COLGALT2: variants seen among roughly 807,000 people sequenced by gnomAD.
The protein encoded by COLGALT2 is procollagen galactosyltransferase 2.
In COLGALT2, 49 loss-of-function variants were observed where a neutral mutation model predicts 73.4. That is an observed-to-expected ratio of 0.67 (90% confidence interval 0.53 to 0.85). The LOEUF (loss-of-function observed/expected upper bound fraction) is 0.85. Among genes scored for constraint, COLGALT2 ranks in the 40% least tolerant of loss-of-function variants. COLGALT2 has a pLI of 0.00. For synonymous variants in COLGALT2, 295 were observed against 307.6 expected (o/e 0.96, Z 0.43); for missense variants, 722 against 790.2 (o/e 0.91, Z 1.03).
chr1:183,945,343 C>T, intron 9 of COLGALT2, 89 bp downstream of exon 9: 5 of 1,447,046 alleles, frequency 3.5e-6, no homozygotes, highest in Non-Finnish European at 3.8e-6. Flanking sequence ...GTTGCGGGCT[C>T]ACTTTACATC....
chr1:183,968,389 A>T (rs977288018), intron 5 of COLGALT2, among the ~76,000 whole-genome samples: 4 of 152,002 alleles, frequency 2.6e-5, no homozygotes, highest in African/African-American at 9.7e-5. Flanking sequence ...CTTCCTGTTG[A>T]CTTGTCTTTC....
Position 183,936,752 on chromosome 1 carries a change from G to A in COLGALT2, c.*2009C>T, listed in dbSNP as rs1669965255. The A allele has an allele frequency of 8.1e-7, 1 of 1,231,040 alleles. No individual in the cohort carries two copies. Among genetic ancestry groups the A allele is most frequent in the African/African-American group, 1.5e-5 (1 of 64,526 alleles). The allele number at this position is 1,231,040 out of a possible 1,614,324, so 76.3% of individuals were successfully genotyped here. On this transcript the variant is annotated 3_prime_UTR_variant, in exon 12 of 12. Transcript: ENST00000361927. ...GCTCTTTCTGTTTTTCTGGGGGTGG[G>A]TGGGAAAGGAAGTCACACTGACAGC...
chr1:183,956,415 T>C (rs1452809225), intron 6 of COLGALT2, among the ~76,000 whole-genome samples: 1 of 152,170 alleles, frequency 6.6e-6, no homozygotes, highest in Non-Finnish European at 1.5e-5. Context: ...ATTCTGGTCC[T>C]TTCTGCTCCA....
chr1:183,978,415 T>C lies in COLGALT2; in HGVS notation c.369A>G (p.Glu123=). ...YHYVEWRPMD[E]PESYPDEIGP... ...ATTTCGCACTTGCTACTCACTCTGGTTCATCCATAGGCCTCCACTCCACAT... is the reference window on the plus strand; with the variant it reads ...ATTTCGCACTTGCTACTCACTCTGGCTCATCCATAGGCCTCCACTCCACAT... The change falls in exon 2 of 12, where the codon GAA becomes GAG. Residue 123 remains glutamate, a synonymous_variant. Transcript: ENST00000361927. 1.3e-6 allele frequency: 2 copies of C among 1,587,640 alleles called. No individual in the cohort carries two copies. Among genetic ancestry groups the C allele is most frequent in the South Asian group, 1.1e-5 (1 of 90,232 alleles).
chr1:183,952,954 T>A (rs542163199), intron 7 of COLGALT2, among the ~76,000 whole-genome samples: 21 of 152,154 alleles, frequency 1.4e-4, no homozygotes, highest in Non-Finnish European at 2.1e-4. Context: ...TTTTCTCAGG[T>A]ATAAACATGA....
In COLGALT2 at chr1:184,000,930, C is replaced by T. The variant is rs879613384; in HGVS notation, c.264-22410G>A. 5.3e-5 allele frequency among the ~76,000 whole-genome samples: 8 copies of T among 151,030 alleles called. No individual in the cohort carries two copies. In the East Asian group the frequency reaches 5.9e-4, roughly 11 times the overall value. On this transcript the variant is annotated intron_variant, in intron 1 of 11. Coordinates refer to ENST00000361927, the MANE Select transcript of COLGALT2 (RefSeq NM_015101.4). Reference sequence around the variant, plus strand: ...CTGCAAGCTCTGCCTCCCGGGTTCACGCCATTCTCCTGCCTCAGCCTCCCG... The same window carrying T: ...CTGCAAGCTCTGCCTCCCGGGTTCATGCCATTCTCCTGCCTCAGCCTCCCG...
rs572870529 is a variant in COLGALT2 at position 183,962,349 on chromosome 1, A to G, written c.952+1552T>C. Among the ~76,000 whole-genome samples, 35 of 151,520 alleles carry G rather than the reference A, an allele frequency of 2.3e-4. 1 individual carries two copies. The highest frequency in any genetic ancestry group is 4.6e-4 in the Admixed American group (7 of 15,214). Reference sequence around the variant, plus strand: ...TTATTTTTGTATTTTTAGTAGAGACAGGTTTCACCATGTTGGCCAGGCTGA... The same window carrying G: ...TTATTTTTGTATTTTTAGTAGAGACGGGTTTCACCATGTTGGCCAGGCTGA... On this transcript the variant is annotated intron_variant, in intron 6 of 11. Transcript: ENST00000361927.
At chr1:183,974,503 C>T (rs959712054) in intron 3 of COLGALT2, among the ~76,000 whole-genome samples, 7 of 152,190 alleles carry the variant, frequency 4.6e-5, no homozygotes, top group Non-Finnish European at 1.0e-4. Flanking sequence ...AACAGCTACA[C>T]AATGTTAAAT....
chr1:183,941,976 C>A (rs1670126195), intron 10 of COLGALT2, among the ~76,000 whole-genome samples: 1 of 148,516 alleles, frequency 6.7e-6, no homozygotes, highest in African/African-American at 2.5e-5. Flanking sequence ...TTTTATGGAG[C>A]CTTGCTCTGT....
intron 2 of COLGALT2, among the ~76,000 whole-genome samples, chr1:183,975,899 C>A (rs1347163577): frequency 2.0e-5 from 3 of 152,188 alleles, no homozygotes; most frequent in Non-Finnish European, 4.4e-5. Context: ...AAACTGGCCA[C>A]CACTTCAAGA....
At chr1:184,021,182 G>A (rs1649171749) in intron 1 of COLGALT2, among the ~76,000 whole-genome samples, 1 of 152,044 alleles carries the variant, frequency 6.6e-6, no homozygotes, top group South Asian at 2.1e-4. Context: ...AAGCCTTTGA[G>A]GTTCCAAAAC....
At position 184,008,537 on chromosome 1, in the gene COLGALT2, C is replaced by T. The variant is rs566346690; in HGVS notation, c.263+28558G>A. On this transcript the variant is annotated intron_variant, in intron 1 of 11. Transcript: ENST00000361927. The stretch of plus-strand genomic sequence containing the variant: ...TTGAGGCCAGAAGTTTGAGACCAGC[C>T]TGAGCACATATTGAGAACCCCACCT... Among the ~76,000 whole-genome samples, 5 of 152,254 alleles carry T rather than the reference C, an allele frequency of 3.3e-5. No individual in the cohort carries two copies. The South Asian group carries it at 6.2e-4, about 19-fold the overall frequency.
intron 1 of COLGALT2, among the ~76,000 whole-genome samples, chr1:184,028,698 T>C (rs572054969): frequency 1.8e-4 from 28 of 152,342 alleles, no homozygotes; most frequent in South Asian, 1.0e-3. Flanking sequence ...TGTCCCAGAC[T>C]CATCTTCTAC....
At chr1:184,025,839 G>GAAGC (rs1332837733) in intron 1 of COLGALT2, among the ~76,000 whole-genome samples, 1 of 152,172 alleles carries the variant, frequency 6.6e-6, no homozygotes, top group Admixed American at 6.5e-5. Context: ...GAGGGTCCAG[G>GAAGC]AAGCATCGAT....
At chr1:184,027,115 A>T (rs1162327551) in intron 1 of COLGALT2, among the ~76,000 whole-genome samples, 1 of 152,168 alleles carries the variant, frequency 6.6e-6, no homozygotes, top group Non-Finnish European at 1.5e-5. Context: ...ATAACAAAAA[A>T]ACACAAATGA....
At chr1:184,010,575 T>G (rs528653389) in intron 1 of COLGALT2, among the ~76,000 whole-genome samples, 1 of 152,330 alleles carries the variant, frequency 6.6e-6, no homozygotes, top group East Asian at 1.9e-4. Flanking sequence ...TTCCCCACCT[T>G]TCCTCCTACC....
At chr1:183,932,410 T>C (rs1371572595), downstream of COLGALT2, among the ~76,000 whole-genome samples, 3 of 151,916 alleles carry the variant, frequency 2.0e-5, no homozygotes, top group East Asian at 5.8e-4. Context: ...CAAGAGTTAG[T>C]TGCTGTTATT....
chr1:183,942,263 G>C (rs1572628220), intron 10 of COLGALT2, among the ~76,000 whole-genome samples: 2 of 152,108 alleles, frequency 1.3e-5, no homozygotes, highest in South Asian at 4.2e-4. Flanking sequence ...TACTTAAACA[G>C]CTGAAAATTT....
chr1:183,990,264 C>T (rs1327137), intron 1 of COLGALT2, among the ~76,000 whole-genome samples: 48,633 of 152,050 alleles, frequency 0.32, 10,537 homozygotes, highest in African/African-American at 0.61. Context: ...AGAACAGTGC[C>T]TCACACATAG....
Sources: gnomAD v4.1 joint callset for allele counts (sites outside exome capture counted in the v4.1 genomes callset) on GRCh38, gnomAD v4.1.1 for gene constraint, MANE v1.5 for transcripts, NCBI Gene and HGNC (gene_info 2026-07-23, HGNC 2026-07-21) for gene names.